Variants in ANO1 observed in about 807,000 individuals in gnomAD.
ANO1 encodes anoctamin 1, also known as anoctamin-1.
ANO1 carries 59 observed loss-of-function variants against 124.0 expected under a neutral mutation model. The ratio of observed to expected loss-of-function variants is 0.48; its 90% CI spans 0.39 to 0.59. The LOEUF (loss-of-function observed/expected upper bound fraction) is 0.59. Among genes scored for constraint, ANO1 ranks in the 20% least tolerant of loss-of-function variants. The pLI is 0.00. For synonymous variants in ANO1, 529 were observed against 532.0 expected (o/e 0.99, Z 0.08); for missense variants, 1,059 against 1,328.0 (o/e 0.80, Z 3.15).
intron 1 of ANO1, among the ~76,000 whole-genome samples, chr11:70,035,520 C>CTATATATATATATA (rs34200982): frequency 7.9e-4 from 117 of 147,738 alleles, no homozygotes; most frequent in South Asian, 3.2e-3. Context: ...TAAGCTGTTG[C>CTATATATATATATA]TATATATATA....
intron 17 of ANO1, 110 bp downstream of exon 17, chr11:70,161,472 C>T: frequency 7.0e-7 from 1 of 1,429,630 alleles, no homozygotes; most frequent in Non-Finnish European, 9.7e-7. Context: ...GCCCCAGCTC[C>T]CTGGTTCTCA....
intron 14 of ANO1, 103 bp from the exon 15 acceptor site, chr11:70,155,808 G>A: frequency 8.9e-7 from 1 of 1,120,034 alleles, no homozygotes; most frequent in Non-Finnish European, 1.2e-6. Context: ...ACCAGGAGGG[G>A]CCAGCCTGCT....
intron 22 of ANO1, among the ~76,000 whole-genome samples, chr11:70,177,097 C>G (rs1158177580): frequency 2.0e-5 from 3 of 152,230 alleles, no homozygotes; most frequent in African/African-American, 7.2e-5. Context: ...CTCCCATTTC[C>G]TGTTGTCTCT....
At chr11:70,144,493 C>G (rs2047278631) in intron 11 of ANO1, among the ~76,000 whole-genome samples, 1 of 152,214 alleles carries the variant, frequency 6.6e-6, no homozygotes, top group African/African-American at 2.4e-5. Flanking sequence ...CCATGCTCAC[C>G]CTGATGAGAT....
chr11:70,014,114 G>A (rs1400176953), intron 1 of ANO1, among the ~76,000 whole-genome samples: 2 of 152,068 alleles, frequency 1.3e-5, no homozygotes, highest in African/African-American at 2.4e-5. Context: ...CCCCTTAAAG[G>A]CCCTTTCTCC....
intron 16 of ANO1, among the ~76,000 whole-genome samples, chr11:70,158,894 GGGCACCC>G (rs1260250309): frequency 6.6e-6 from 1 of 152,100 alleles, no homozygotes; most frequent in Non-Finnish European, 1.5e-5. Context: ...CTTGGTGGGA[GGGCACCC>G]GGCCTCGTGC....
At chr11:70,033,161 C>T (rs945731979) in intron 1 of ANO1, among the ~76,000 whole-genome samples, 3 of 152,256 alleles carry the variant, frequency 2.0e-5, no homozygotes, top group South Asian at 2.1e-4. Flanking sequence ...GGGGCCTTCA[C>T]GGGGCGGTTT....
At chr11:70,025,328 G>A (rs1856873465) in intron 1 of ANO1, among the ~76,000 whole-genome samples, 1 of 152,206 alleles carries the variant, frequency 6.6e-6, no homozygotes, top group Admixed American at 6.5e-5. Context: ...AAGAACTGGT[G>A]TCTGCTGCAA....
chr11:70,124,244 GATGA>G, intron 8 of ANO1, 102 bp from the exon 9 acceptor site: 1 of 1,028,738 alleles, frequency 9.7e-7, no homozygotes, highest in East Asian at 2.5e-5. Flanking sequence ...GTGTTTATGG[GATGA>G]ATGAATGATG....
intron 1 of ANO1, among the ~76,000 whole-genome samples, chr11:69,994,472 A>C (rs1041992442): frequency 8.6e-5 from 13 of 151,592 alleles, no homozygotes; most frequent in African/African-American, 2.9e-4. Flanking sequence ...GGAGATAGAC[A>C]GATAAAAGGA....
At chr11:70,133,819 C>T (rs1177051265) in intron 11 of ANO1, among the ~76,000 whole-genome samples, 6 of 152,296 alleles carry the variant, frequency 3.9e-5, no homozygotes, top group Middle Eastern at 3.4e-3. Flanking sequence ...ACAGCAGAGC[C>T]GAGGTATGTA....
intron 1 of ANO1, among the ~76,000 whole-genome samples, chr11:70,011,228 G>A (rs1555001075): frequency 6.6e-6 from 1 of 152,192 alleles, no homozygotes; most frequent in African/African-American, 2.4e-5. Flanking sequence ...GTGGAGAGCA[G>A]GGTGGAGGAA....
At chr11:70,035,366 C>A (rs1857076935) in intron 1 of ANO1, among the ~76,000 whole-genome samples, 1 of 151,744 alleles carries the variant, frequency 6.6e-6, no homozygotes, top group Non-Finnish European at 1.5e-5. Flanking sequence ...GAACTTTTCA[C>A]TTATTATGAC....
intron 1 of ANO1, chr11:70,015,179 C>G (rs145165160): frequency 6.6e-6 from 1 of 152,024 alleles, no homozygotes; most frequent in African/African-American, 2.4e-5. Context: ...CCATTTTGGG[C>G]GTTTTCATGG....
At position 70,085,409 on chromosome 11, in the gene ANO1, G is replaced by A. The variant is rs553098984; in HGVS notation, c.109-2343G>A. 1,562 of 1,516,320 alleles carry A rather than the reference G, an allele frequency of 1.0e-3. 2 individuals are homozygous for A. Among genetic ancestry groups the A allele is most frequent in the East Asian group, 5.6e-3 (227 of 40,524 alleles). 93.9% of individuals were successfully genotyped at this position (1,516,320 alleles called of 1,614,324 possible). A position where few individuals can be genotyped will look rare whatever the true frequency, so the allele number is the denominator to read the frequency against. On this transcript the variant is annotated intron_variant, in intron 1 of 25. Transcript: ENST00000355303. ...CTTTGTCACAGAGGGCAAGGTGGGC[G>A]GGGCACGCACACTGAGTCCAGGTCC...
the ANO1 span, among the ~76,000 whole-genome samples, chr11:69,972,528 C>G: frequency 6.6e-6 from 1 of 152,142 alleles, no homozygotes; most frequent in African/African-American, 2.4e-5. Flanking sequence ...CTGTAAAGTG[C>G]TATAATTAAC....
At chr11:70,024,777 AT>A in intron 1 of ANO1, among the ~76,000 whole-genome samples, 1 of 152,336 alleles carries the variant, frequency 6.6e-6, no homozygotes, top group Non-Finnish European at 1.5e-5. Flanking sequence ...CTGGACAGAC[AT>A]AGGCGGATCC....
intron 1 of ANO1, chr11:70,085,547 G>A: frequency 6.5e-7 from 1 of 1,536,096 alleles, no homozygotes; most frequent in Non-Finnish European, 8.7e-7. Flanking sequence ...CAGGTGGTGA[G>A]CAATGCTGTT....
chr11:70,092,454 A>C (rs2044671244), intron 2 of ANO1, among the ~76,000 whole-genome samples: 1 of 152,170 alleles, frequency 6.6e-6, no homozygotes, highest in Non-Finnish European at 1.5e-5. Context: ...GGGCAGGGTC[A>C]TGGCTGAGGG....
Sources: gnomAD v4.1 joint callset for allele counts (sites outside exome capture counted in the v4.1 genomes callset) on GRCh38, gnomAD v4.1.1 for gene constraint, MANE v1.5 for transcripts, NCBI Gene and HGNC (gene_info 2026-07-23, HGNC 2026-07-21) for gene names.